The following TNRC18 variants were observed in gnomAD, a reference collection of about 807,000 sequenced individuals.
The protein encoded by TNRC18 is trinucleotide repeat-containing gene 18 protein.
In TNRC18, 69 loss-of-function variants were observed where a neutral mutation model predicts 226.7. That is an observed-to-expected ratio of 0.30 (90% confidence interval 0.25 to 0.37). The LOEUF (loss-of-function observed/expected upper bound fraction) is 0.37, where lower values mean the gene tolerates loss of function less well. TNRC18 is among the 10% of genes least tolerant of loss of function. The pLI is 1.00. For missense variants in TNRC18, 4,754 were observed against 4,256.6 expected, an observed-to-expected ratio of 1.12 and a Z score of -3.25; for synonymous variants, 2,449 against 1,927.6, an observed-to-expected ratio of 1.27 and a Z score of -7.09.
intron 18 of TNRC18, 70 bp from the exon 19 acceptor site, chr7:5,333,119 G>A: frequency 1.3e-6 from 2 of 1,502,476 alleles, no homozygotes; most frequent in Middle Eastern, 1.7e-4. Context: ...CAGCCACATG[G>A]ACACCATTCC....
rs1359811661 is a variant in TNRC18 at position 5,312,722 on chromosome 7, C to T, written c.8169G>A (p.Ala2723=). 7.7e-6 allele frequency: 12 copies of T among 1,563,402 alleles called. No homozygotes were observed. The highest frequency in any genetic ancestry group is 2.4e-5 in the South Asian group (2 of 84,070). Residue 2723 remains alanine (A), a synonymous_variant, in exon 27 of 30, where the codon GCG becomes GCA. Coordinates refer to ENST00000430969, the MANE Select transcript of TNRC18 (RefSeq NM_001080495.3). This position sits in a 1 kb window ranked among gnomAD's most constrained non-coding sequence, Gnocchi z 6.3. Reference sequence around the variant, plus strand: ...GCGGAGGAGGCGCCTGGGGCTGGGGCGCGGGCGTCTTCTTGCCTGGGGAGT... The same window carrying T: ...GCGGAGGAGGCGCCTGGGGCTGGGGTGCGGGCGTCTTCTTGCCTGGGGAGT... The part of the protein sequence containing the change: ...SAHSPGKKTP[A]PQPQAPPPQP...
chr7:5,377,116 C>T lies in TNRC18; in HGVS notation c.2462-123G>A, dbSNP rs1216937853. 5 of 1,393,008 alleles carry T rather than the reference C, an allele frequency of 3.6e-6. No homozygotes were observed. The highest frequency in any genetic ancestry group is 2.7e-5 in the Admixed American group (1 of 36,702). 86.3% of individuals were successfully genotyped at this position (1,393,008 alleles called of 1,614,324 possible). On this transcript the variant is annotated intron_variant, in intron 7 of 29. Transcript: ENST00000430969. This position sits in a 1 kb window ranked among gnomAD's most constrained non-coding sequence, Gnocchi z 5.8. ...CTCCTGGGGCCTCCAGTGGGGAAGC[C>T]AAGGGACAGGGGTGCTGGCTGGCTG...
chr7:5,364,581 A>G (rs1230971610), intron 11 of TNRC18, among the ~76,000 whole-genome samples: 1 of 151,634 alleles, frequency 6.6e-6, no homozygotes, highest in Non-Finnish European at 1.5e-5. Flanking sequence ...AGGCGGGTGG[A>G]TGGCTTGAGG....
intron 11 of TNRC18, among the ~76,000 whole-genome samples, chr7:5,366,120 T>G (rs1793591046): frequency 6.6e-6 from 1 of 151,884 alleles, no homozygotes. Context: ...CTATTCACAT[T>G]TCACTATTCA....
chr7:5,339,389 A>G (rs896874098), intron 18 of TNRC18, among the ~76,000 whole-genome samples: 165 of 151,674 alleles, frequency 1.1e-3, no homozygotes, highest in Admixed American at 4.5e-3. Context: ...ACAGGTGCCC[A>G]CAACCACACC....
chr7:5,339,151 T>A (rs371772860), intron 18 of TNRC18, among the ~76,000 whole-genome samples: 2 of 151,398 alleles, frequency 1.3e-5, no homozygotes, highest in South Asian at 2.1e-4. Context: ...TTGCAATTGT[T>A]TTGGGGCTCC....
At position 5,394,670 on chromosome 7, in the gene TNRC18, C is replaced by G; in HGVS notation, c.188-75G>C. 1 of 1,199,306 alleles carries G rather than the reference C, an allele frequency of 8.3e-7. No individual in the cohort carries two copies. Among genetic ancestry groups the G allele is most frequent in the African/African-American group, 1.6e-5 (1 of 63,574 alleles). 74.3% of individuals were successfully genotyped at this position (1,199,306 alleles called of 1,614,324 possible). On this transcript the variant is annotated intron_variant, in intron 2 of 29. Transcript: ENST00000430969. This position sits in a 1 kb window ranked among gnomAD's most constrained non-coding sequence, Gnocchi z 4.5. ...CGCCGCCCCAGCCCACCGCCCCGAC[C>G]CACCGCCCCGAGACCGCCGCCTCTC...
rs573241304 is a variant in TNRC18, at chr7:5,341,186, C to G, written c.5719+4376G>C. Among the ~76,000 whole-genome samples the G allele has an allele frequency of 2.1e-3, 308 of 143,538 alleles. 2 individuals are homozygous for G. The highest frequency in any genetic ancestry group is 3.8e-3 in the Non-Finnish European group (249 of 65,058). The allele number at this position is 143,538 out of a possible 152,430, so 94.2% of individuals were successfully genotyped here. A position where few individuals can be genotyped will look rare whatever the true frequency, so the allele number is the denominator to read the frequency against. On this transcript the variant is annotated intron_variant, in intron 18 of 29. Coordinates refer to ENST00000430969, the MANE Select transcript of TNRC18 (RefSeq NM_001080495.3). ...CAGCACTTTGGGAGGCTGAGGCAGG[C>G]GGATCACGATGTCAGGAGATGGAGA...
Position 5,313,817 on chromosome 7 carries a change from G to T in TNRC18, c.7074C>A (p.Pro2358=). ...TCGGCTCCAGGGCTAAGGGGGTACT[G>T]GGGACCTCGTCTGTTGGGTTCCCCT... is the stretch of plus-strand genomic sequence containing the variant. ...LEEGNPTDEV[P]STPLALEPSS... The change falls in exon 27 of 30, where the codon CCC becomes CCA. Residue 2358 remains proline, a synonymous_variant. Transcript: ENST00000430969. 6.6e-7 allele frequency: 1 copy of T among 1,512,964 alleles called. No individual in the cohort carries two copies. The highest frequency in any genetic ancestry group is 2.3e-5 in the East Asian group (1 of 43,822). 93.7% of individuals were successfully genotyped at this position (1,512,964 alleles called of 1,614,324 possible).
chr7:5,330,403 T>G (rs1178995883), intron 19 of TNRC18, among the ~76,000 whole-genome samples: 2 of 146,380 alleles, frequency 1.4e-5, no homozygotes, highest in Non-Finnish European at 3.1e-5. Flanking sequence ...CAGCTAATTG[T>G]TTTTTTGTTG....
intron 15 of TNRC18, 24 bp from the exon 16 acceptor site, chr7:5,357,300 G>A (rs779467997): frequency 5.0e-6 from 8 of 1,592,956 alleles, no homozygotes; most frequent in South Asian, 1.1e-5. Flanking sequence ...GTGGGTCATG[G>A]GTTAAAAGAT....
At chr7:5,409,203 C>A (rs1167919454) in intron 2 of TNRC18, among the ~76,000 whole-genome samples, 3 of 151,434 alleles carry the variant, frequency 2.0e-5, no homozygotes, top group African/African-American at 7.3e-5. Context: ...CAGGTGCCCA[C>A]GGGAAGTCTC....
chr7:5,382,553 G>C (rs192416182), intron 5 of TNRC18, among the ~76,000 whole-genome samples: 3 of 152,096 alleles, frequency 2.0e-5, no homozygotes, highest in East Asian at 1.9e-4. Context: ...AGCGGATCGG[G>C]GGGGAGTGAC....
rs1171773972 is a variant in TNRC18, at chr7:5,320,582, G to A, written c.6586C>T (p.Arg2196Trp). The change falls in exon 23 of 30, where the codon CGG becomes TGG. Residue 2196 changes from arginine to tryptophan, a missense_variant. Physicochemically the swap from Arg to Trp is moderately radical, Grantham distance 101. Coordinates refer to ENST00000430969, the MANE Select transcript of TNRC18 (RefSeq NM_001080495.3). ...DIYRVVVEGE[R>W]GNRPHIYCLE... The stretch of plus-strand genomic sequence containing the variant: ...CAGTAGATGTGGGGCCGGTTGCCCC[G>A]CTCACCCTCCACCACCACGCGGTAT... 2 of 1,610,920 alleles carry A rather than the reference G, an allele frequency of 1.2e-6. No individual in the cohort carries two copies. The highest frequency in any genetic ancestry group is 1.3e-5 in the African/African-American group (1 of 74,612).
In TNRC18 at chr7:5,321,097, A is replaced by G; in HGVS notation, c.6536T>C (p.Val2179Ala). The change falls in exon 22 of 30, where the codon GTG becomes GCG. Residue 2179 changes from valine to alanine, a missense_variant. Coordinates refer to ENST00000430969, the MANE Select transcript of TNRC18 (RefSeq NM_001080495.3). ...MDDKLLYAGH[V>A]QTVHSPDIYR... The stretch of plus-strand genomic sequence containing the variant: ...CATGTCTGGCGAGTGCACGGTCTGC[A>G]CGTGCCCGGCGTACAGCAGCTTGTC... 1 of 1,552,976 alleles carries G rather than the reference A, an allele frequency of 6.4e-7. No homozygotes were observed. The highest frequency in any genetic ancestry group is 8.7e-7 in the Non-Finnish European group (1 of 1,148,772).
In TNRC18 at chr7:5,390,561, G is replaced by A. The variant is rs756059459; in HGVS notation, c.411C>T (p.Ser137=). 1.6e-5 allele frequency: 26 copies of A among 1,613,276 alleles called. No individual in the cohort carries two copies. Among genetic ancestry groups the A allele is most frequent in the Non-Finnish European group, 2.2e-5 (26 of 1,179,664 alleles). The stretch of plus-strand genomic sequence containing the variant: ...GCTGGCTGAGGAGGGGGCTCCCACT[G>A]CTGGGGGGCTCCAGGTGGTTCAGGT... ...YLHLNHLEPP[S]SGSPLLSQLG... Residue 137 remains serine, a synonymous_variant, in exon 4 of 30, where the codon AGC becomes AGT. Coordinates refer to ENST00000430969, the MANE Select transcript of TNRC18 (RefSeq NM_001080495.3).
intron 2 of TNRC18, among the ~76,000 whole-genome samples, chr7:5,403,352 G>A (rs547627239): frequency 4.9e-4 from 74 of 152,220 alleles, no homozygotes; most frequent in African/African-American, 1.7e-3. Context: ...TAGAGACGGG[G>A]TTTCTCCATG....
chr7:5,357,586 G>A (rs1792580631), intron 15 of TNRC18, among the ~76,000 whole-genome samples: 1 of 152,116 alleles, frequency 6.6e-6, no homozygotes, highest in Admixed American at 6.6e-5. Flanking sequence ...TGGGCTCTGT[G>A]ACCCTCCCGC....
Position 5,312,878 on chromosome 7 carries a change from G to A in TNRC18, c.8013C>T (p.Ser2671=). 1 of 1,525,792 alleles carries A rather than the reference G, an allele frequency of 6.6e-7. No homozygotes were observed. Among genetic ancestry groups the A allele is most frequent in the Non-Finnish European group, 8.8e-7 (1 of 1,136,214 alleles). The allele number at this position is 1,525,792 out of a possible 1,614,324, so 94.5% of individuals were successfully genotyped here. The change falls in exon 27 of 30, where the codon TCC becomes TCT. Residue 2671 remains serine (S), a synonymous_variant. Coordinates refer to ENST00000430969, the MANE Select transcript of TNRC18 (RefSeq NM_001080495.3). The surrounding 1 kb of genome is among the most constrained non-coding windows in gnomAD (Gnocchi z 6.3). ...SSSSSSSSSS[S]TTDEDSSCSS... ...TGCAGGAAGAGTCCTCGTCTGTGGTGGAGGAAGAAGAGGAGGAAGAGGAGG... is the reference window on the plus strand; with the variant it reads ...TGCAGGAAGAGTCCTCGTCTGTGGTAGAGGAAGAAGAGGAGGAAGAGGAGG...
Sources: allele counts gnomAD v4.1 joint callset (sites outside exome capture counted in the v4.1 genomes callset), GRCh38; gene constraint gnomAD v4.1.1; non-coding constraint Gnocchi (gnomAD v3.1); transcripts MANE v1.5; gene names NCBI Gene and HGNC (gene_info 2026-07-23, HGNC 2026-07-21).